Variants in LRRC9 observed in about 807,000 individuals in gnomAD.
LRRC9 encodes leucine-rich repeat-containing protein 9.
Under a neutral mutation model 63.2 loss-of-function variants are expected in LRRC9, and 122 were observed. That is an observed-to-expected ratio of 1.93 (90% CI 1.67 to 2.24). LRRC9 has a LOEUF of 2.24. Ranked by LOEUF, LRRC9 falls within the 30% of genes most tolerant of loss-of-function variation. The pLI is 0.00. For synonymous variants in LRRC9, 366 were observed against 213.1 expected (o/e 1.72, Z -6.25); for missense variants, 1,071 against 627.7 (o/e 1.71, Z -7.55).
rs145419279 is a variant in LRRC9, at chr14:59,982,501, G to A, written c.2091+441G>A. Among the ~76,000 whole-genome samples, 98 of 152,156 alleles carry A rather than the reference G, an allele frequency of 6.4e-4. 4 individuals carry two copies. In the Middle Eastern group the frequency reaches 0.02, roughly 32 times the overall value. On this transcript the variant is annotated intron_variant, in intron 16 of 31. Transcript: ENST00000445360. The stretch of plus-strand genomic sequence containing the variant: ...CTTGCAGTGTCATAAAATGGCAGTG[G>A]GCATCACATGGCAAGAAGGCAAGAG...
rs369875262 is a variant in LRRC9 at position 59,923,216 on chromosome 14, A to G, written c.-34+3333A>G. Among the ~76,000 whole-genome samples, 37 of 152,362 alleles carry G rather than the reference A, an allele frequency of 2.4e-4. No homozygotes were observed. The South Asian group carries it at 7.2e-3, about 30-fold the overall frequency. ...ACCAGGAAGGCCTAGCATCCTTGTG[A>G]TTCAGAAATAGTTATACAACTTATA... is the stretch of plus-strand genomic sequence containing the variant. On this transcript the variant is annotated intron_variant, in intron 1 of 31. Coordinates refer to ENST00000445360, the Ensembl canonical transcript of LRRC9. This position sits in a 1 kb window ranked among gnomAD's most constrained non-coding sequence, Gnocchi z 4.2.
intron 6 of LRRC9, among the ~76,000 whole-genome samples, chr14:59,937,449 T>G (rs556903672): frequency 6.6e-6 from 1 of 152,158 alleles, no homozygotes; most frequent in Non-Finnish European, 1.5e-5. Context: ...AGGAGGAACA[T>G]CTATCCCAAC....
At chr14:60,021,067 A>T (rs115393045) in intron 26 of LRRC9, among the ~76,000 whole-genome samples, 1 of 152,026 alleles carries the variant, frequency 6.6e-6, no homozygotes, top group East Asian at 1.9e-4. Context: ...AGAAACCGCT[A>T]AACTGTTTTC....
At position 60,053,302 on chromosome 14, in the gene LRRC9, G is replaced by A. The variant is rs961760433; in HGVS notation, c.4131+97G>A. 126 of 592,960 alleles carry A rather than the reference G, an allele frequency of 2.1e-4. No individual in the cohort carries two copies. Among genetic ancestry groups the A allele is most frequent in the South Asian group, 1.4e-4 (7 of 48,318 alleles). The allele number at this position is 592,960 out of a possible 1,614,324, so 36.7% of individuals were successfully genotyped here. A position where few individuals can be genotyped will look rare whatever the true frequency, so the allele number is the denominator to read the frequency against. ...TGATTTAAATGTTTAAACCTATGGC[G>A]TTTTTGATAAGGATGATCTTAGTAT... On this transcript the variant is annotated intron_variant, in intron 30 of 31. Transcript: ENST00000445360. The surrounding 1 kb of genome is among the most constrained non-coding windows in gnomAD (Gnocchi z 4.8).
At chr14:60,000,397 G>A (rs935054977) in intron 19 of LRRC9, among the ~76,000 whole-genome samples, 2 of 152,012 alleles carry the variant, frequency 1.3e-5, no homozygotes, top group African/African-American at 4.8e-5. Context: ...ATTACGAAAT[G>A]TCTCCTTGTA....
rs1253891014 is a variant in LRRC9 at position 60,004,364 on chromosome 14, G to A, written c.2842+566G>A. Among the ~76,000 whole-genome samples, 1 of 151,974 alleles carries A rather than the reference G, an allele frequency of 6.6e-6. No individual in the cohort carries two copies. Among genetic ancestry groups the A allele is most frequent in the African/African-American group, 2.4e-5 (1 of 41,408 alleles). Reference sequence around the variant, plus strand: ...AAATTTGAATACTTTAACAAGAAATGAAAATTATACTCACTAGAGGTTGAA... The same window carrying A: ...AAATTTGAATACTTTAACAAGAAATAAAAATTATACTCACTAGAGGTTGAA... On this transcript the variant is annotated intron_variant, in intron 21 of 31. Coordinates refer to ENST00000445360, the Ensembl canonical transcript of LRRC9. This position sits in a 1 kb window ranked among gnomAD's most constrained non-coding sequence, Gnocchi z 4.8.
intron 29 of LRRC9, among the ~76,000 whole-genome samples, chr14:60,044,551 G>A (rs1157787845): frequency 6.6e-6 from 1 of 152,014 alleles, no homozygotes; most frequent in African/African-American, 2.4e-5. Context: ...TGACCCACTG[G>A]TCATTCAGGA....
In LRRC9 at chr14:60,009,038, T is replaced by C. The variant is rs77006490; in HGVS notation, c.3186+824T>C. ...TGTTAGCTTTCACTGAAAAATGTTT[T>C]TTAAAATAGTCCTATGAGACCAGTA... On this transcript the variant is annotated intron_variant, in intron 23 of 31. Coordinates refer to ENST00000445360, the Ensembl canonical transcript of LRRC9. Among the ~76,000 whole-genome samples, 408 of 152,306 alleles carry C rather than the reference T, an allele frequency of 2.7e-3. 1 individual carries two copies. The highest frequency in any genetic ancestry group is 9.3e-3 in the African/African-American group (388 of 41,574).
rs1490360815 is a variant in LRRC9 at position 60,051,591 on chromosome 14, G to T, written c.3991-1474G>T. On this transcript the variant is annotated intron_variant, in intron 29 of 31. Coordinates refer to ENST00000445360, the Ensembl canonical transcript of LRRC9. This position sits in a 1 kb window ranked among gnomAD's most constrained non-coding sequence, Gnocchi z 4.7. ...TGCCCTTGGCTGGCTGGAATTCTAA[G>T]CCAGTGGGTCTTAACTTATGAGGTG... is the stretch of plus-strand genomic sequence containing the variant. 6.6e-6 allele frequency among the ~76,000 whole-genome samples: 1 copy of T among 152,122 alleles called. No individual in the cohort carries two copies. Among genetic ancestry groups the T allele is most frequent in the African/African-American group, 2.4e-5 (1 of 41,434 alleles).
chr14:60,008,694 T>C (rs763916896), intron 23 of LRRC9, among the ~76,000 whole-genome samples: 38 of 152,156 alleles, frequency 2.5e-4, no homozygotes, highest in Non-Finnish European at 4.0e-4. Flanking sequence ...GAAAGCAACA[T>C]TTGGATACTG....
intron 29 of LRRC9, among the ~76,000 whole-genome samples, chr14:60,048,761 G>A (rs955199563): frequency 2.0e-5 from 3 of 152,148 alleles, no homozygotes; most frequent in African/African-American, 7.2e-5. Flanking sequence ...AAATTGAAAA[G>A]GAGGGTCTCC....
chr14:59,966,901 A>G lies in LRRC9; in HGVS notation c.1388+136A>G, dbSNP rs1884918734. 1.8e-6 allele frequency: 1 copy of G among 558,856 alleles called. No homozygotes were observed. 34.6% of individuals were successfully genotyped at this position (558,856 alleles called of 1,614,324 possible). On this transcript the variant is annotated intron_variant, in intron 11 of 31. Transcript: ENST00000445360. This position sits in a 1 kb window ranked among gnomAD's most constrained non-coding sequence, Gnocchi z 4.0. ...AATGTTTCCTTTTTATGCATCTCCC[A>G]TGGCCAGGATGACCTCATAATTTAT...
intron 3 of LRRC9, among the ~76,000 whole-genome samples, chr14:59,929,135 A>C (rs530815941): frequency 6.6e-6 from 1 of 152,150 alleles, no homozygotes; most frequent in African/African-American, 2.4e-5. Context: ...GTAAACAGAC[A>C]ATCTACAGAA....
intron 13 of LRRC9, 115 bp downstream of exon 13, chr14:59,974,823 C>A: frequency 2.1e-6 from 1 of 480,316 alleles, no homozygotes; most frequent in Non-Finnish European, 3.6e-6. Flanking sequence ...GTTCTTCAAA[C>A]CATTTTATTT....
intron 7 of LRRC9, among the ~76,000 whole-genome samples, chr14:59,939,108 T>C (rs1363970709): frequency 1.6e-5 from 2 of 122,214 alleles, no homozygotes; most frequent in African/African-American, 6.3e-5. Flanking sequence ...TATACACACA[T>C]ATATATACAT....
downstream of LRRC9, among the ~76,000 whole-genome samples, chr14:60,063,929 A>G (rs1219552259): frequency 6.6e-6 from 1 of 152,222 alleles, no homozygotes; most frequent in Non-Finnish European, 1.5e-5. Context: ...CCCTCAAACC[A>G]GATCGGCCCT....
At chr14:60,006,406 A>G in exon 22 of LRRC9, 1 of 689,368 alleles carries the variant, frequency 1.5e-6, no homozygotes. Flanking sequence ...GGTATTTCCA[A>G]GATGACTAAA....
Position 60,026,185 on chromosome 14 carries a change from T to C in LRRC9, c.3704-1699T>C, listed in dbSNP as rs1341612444. ...CAGGAGAAGTCAAAAATGTATGTGC[T>C]TACTTAAAAGTAAGCACACAGAAAG... On this transcript the variant is annotated intron_variant, in intron 27 of 31. Coordinates refer to ENST00000445360, the Ensembl canonical transcript of LRRC9. 2.0e-5 allele frequency among the ~76,000 whole-genome samples: 3 copies of C among 152,114 alleles called. No homozygotes were observed. In the East Asian group the frequency reaches 5.8e-4, roughly 29 times the overall value.
chr14:60,028,073 A>C, exon 28 of LRRC9: 1 of 701,362 alleles, frequency 1.4e-6, no homozygotes. Flanking sequence ...AAACTAGAGA[A>C]ACTCTTCCTA....
Sources: gnomAD v4.1 joint callset for allele counts (sites outside exome capture counted in the v4.1 genomes callset) on GRCh38, gnomAD v4.1.1 for gene constraint, Gnocchi (gnomAD v3.1) non-coding constraint, MANE v1.5 for transcripts, NCBI Gene and HGNC (gene_info 2026-07-23, HGNC 2026-07-21) for gene names.